The following CTNNA3 variants were observed in gnomAD, a reference collection of about 807,000 sequenced individuals.
CTNNA3 encodes the protein catenin alpha-3.
Under a neutral mutation model 95.7 loss-of-function variants are expected in CTNNA3, and 76 were observed. The observed-to-expected ratio is 0.79, with a 90% CI of 0.66 to 0.96. The LOEUF is 0.96. Ranked by LOEUF, CTNNA3 falls within the 40% of genes least tolerant of loss-of-function variation. The probability of loss-of-function intolerance (pLI) is 0.00; values close to 1 mark genes in which losing one functional copy is unlikely to be tolerated. For synonymous variants in CTNNA3, 431 were observed against 374.4 expected, an observed-to-expected ratio of 1.15 and a Z score of -1.74; for missense variants, 1,191 against 1,089.8, an observed-to-expected ratio of 1.09 and a Z score of -1.31.
chr10:65,957,775 C>T (rs970636111), intron 17 of CTNNA3, among the ~76,000 whole-genome samples: 2 of 152,134 alleles, frequency 1.3e-5, no homozygotes, highest in Non-Finnish European at 2.9e-5. Context: ...TGATGGGCTT[C>T]CCTCTGTGGG....
chr10:67,476,098 T>C (rs2133040100), intron 5 of CTNNA3, among the ~76,000 whole-genome samples: 1 of 152,378 alleles, frequency 6.6e-6, no homozygotes. Context: ...TCACATTTGC[T>C]ACACAAAGTT....
At chr10:67,562,393 G>C (rs1236842536) in intron 3 of CTNNA3, among the ~76,000 whole-genome samples, 2 of 152,008 alleles carry the variant, frequency 1.3e-5, no homozygotes, top group African/African-American at 4.8e-5. Flanking sequence ...AAAACCACAT[G>C]ATTATCTTAA....
chr10:66,087,714 T>C (rs1167266405), intron 14 of CTNNA3, among the ~76,000 whole-genome samples: 2 of 152,146 alleles, frequency 1.3e-5, no homozygotes, highest in African/African-American at 4.8e-5. Context: ...GGAATTCTAC[T>C]CAATCAATTA....
chr10:67,014,363 T>C (rs1054623485), intron 7 of CTNNA3, among the ~76,000 whole-genome samples: 1 of 152,204 alleles, frequency 6.6e-6, no homozygotes, highest in African/African-American at 2.4e-5. Context: ...CAGCTTTAAT[T>C]AACTACTGTA....
intron 7 of CTNNA3, among the ~76,000 whole-genome samples, chr10:66,821,348 T>G (rs913952290): frequency 6.6e-6 from 1 of 152,142 alleles, no homozygotes; most frequent in Non-Finnish European, 1.5e-5. Flanking sequence ...CTTGTCTTTA[T>G]GGGCATATTC....
chr10:67,397,737 C>A (rs1844762161), intron 5 of CTNNA3, among the ~76,000 whole-genome samples: 1 of 152,200 alleles, frequency 6.6e-6, no homozygotes, highest in Admixed American at 6.5e-5. Context: ...ATTTCATGGG[C>A]AGAGCCCAGG....
chr10:67,248,044 C>T (rs933785175), intron 5 of CTNNA3, among the ~76,000 whole-genome samples: 22 of 152,148 alleles, frequency 1.4e-4, no homozygotes, highest in African/African-American at 5.1e-4. Flanking sequence ...TTTCAGGCCT[C>T]GTGCAGTGGC....
chr10:67,387,157 T>G (rs1844205134), intron 5 of CTNNA3, among the ~76,000 whole-genome samples: 1 of 152,028 alleles, frequency 6.6e-6, no homozygotes, highest in South Asian at 2.1e-4. Flanking sequence ...CAGGTTCATC[T>G]CACTAGGGAG....
intron 1 of CTNNA3, among the ~76,000 whole-genome samples, chr10:67,704,351 G>A (rs1366047426): frequency 1.3e-5 from 2 of 152,170 alleles, no homozygotes; most frequent in Non-Finnish European, 2.9e-5. Context: ...AAAGCTGGAG[G>A]CATCATGCTA....
chr10:67,679,606 T>A (rs576517967), intron 1 of CTNNA3, among the ~76,000 whole-genome samples: 1 of 152,194 alleles, frequency 6.6e-6, no homozygotes, highest in Non-Finnish European at 1.5e-5. Context: ...TTTTGCTACA[T>A]TGGTATAGGT....
At position 66,360,643 on chromosome 10, in the gene CTNNA3, CT is replaced by C. The variant is rs771942332; in HGVS notation, c.1732+18508del. 6.5e-3 allele frequency among the ~76,000 whole-genome samples: 404 copies of C among 61,840 alleles called. 6 individuals carry two copies. The highest frequency in any genetic ancestry group is 0.025 in the African/African-American group (375 of 15,166). 40.6% of individuals were successfully genotyped at this position (61,840 alleles called of 152,430 possible). A position where few individuals can be genotyped will look rare whatever the true frequency, so the allele number is the denominator to read the frequency against. On this transcript the variant is annotated intron_variant, in intron 12 of 17. Coordinates refer to ENST00000433211, the MANE Select transcript of CTNNA3 (RefSeq NM_013266.4). The stretch of plus-strand genomic sequence containing the variant: ...TCTTTCTTTCTTTCTTTCTTTCTTT[CT>C]TTCTTTCTTTCTTTCTTCCTTCCTT...
intron 6 of CTNNA3, among the ~76,000 whole-genome samples, chr10:67,187,614 T>C (rs1220653243): frequency 6.6e-6 from 1 of 152,142 alleles, no homozygotes; most frequent in Non-Finnish European, 1.5e-5. Context: ...TTGAGGAATG[T>C]CTCACTCTGT....
chr10:67,381,523 A>T (rs1297960860), intron 5 of CTNNA3, among the ~76,000 whole-genome samples: 1 of 152,200 alleles, frequency 6.6e-6, no homozygotes, highest in Non-Finnish European at 1.5e-5. Context: ...TATTTCCAAT[A>T]AAAATTTAAG....
chr10:66,373,626 C>T (rs978141153), intron 12 of CTNNA3, among the ~76,000 whole-genome samples: 7 of 150,796 alleles, frequency 4.6e-5, no homozygotes, highest in East Asian at 2.0e-4. Flanking sequence ...GTTATATTAA[C>T]GTCTAATCCA....
At chr10:66,490,179 A>T (rs1174855632) in intron 11 of CTNNA3, among the ~76,000 whole-genome samples, 1 of 152,120 alleles carries the variant, frequency 6.6e-6, no homozygotes, top group Non-Finnish European at 1.5e-5. Context: ...TAACCTCTGA[A>T]GCCTTTACCA....
At chr10:66,613,716 G>T (rs570896480) in intron 10 of CTNNA3, among the ~76,000 whole-genome samples, 1 of 151,182 alleles carries the variant, frequency 6.6e-6, no homozygotes, top group East Asian at 1.9e-4. Flanking sequence ...ACATTATGAC[G>T]CGACTGTTTG....
At chr10:66,387,616 A>T (rs1241195058) in intron 11 of CTNNA3, among the ~76,000 whole-genome samples, 1 of 152,194 alleles carries the variant, frequency 6.6e-6, no homozygotes, top group Non-Finnish European at 1.5e-5. Flanking sequence ...AAGGATTATA[A>T]ATCATGCTAC....
At chr10:67,110,240 CTA>C (rs1858851541) in intron 7 of CTNNA3, among the ~76,000 whole-genome samples, 1 of 152,022 alleles carries the variant, frequency 6.6e-6, no homozygotes, top group African/African-American at 2.4e-5. Flanking sequence ...TGTGTAGAGT[CTA>C]TAATTTGTTA....
chr10:66,851,987 A>T (rs1290401681), intron 7 of CTNNA3, among the ~76,000 whole-genome samples: 1 of 152,116 alleles, frequency 6.6e-6, no homozygotes, highest in Non-Finnish European at 1.5e-5. Flanking sequence ...CAACAATGGG[A>T]TGAAGTATGG....
Sources: allele counts gnomAD v4.1 joint callset (sites outside exome capture counted in the v4.1 genomes callset), GRCh38; gene constraint gnomAD v4.1.1; transcripts MANE v1.5; gene names NCBI Gene and HGNC (gene_info 2026-07-23, HGNC 2026-07-21).